MEF2B: variants seen among roughly 807,000 people sequenced by gnomAD.
MEF2B encodes the protein myocyte-specific enhancer factor 2B.
Under a neutral mutation model 32.2 loss-of-function variants are expected in MEF2B, and 15 were observed. That is an observed-to-expected ratio of 0.47 (90% CI 0.31 to 0.72). The LOEUF (loss-of-function observed/expected upper bound fraction) is 0.72. Among genes scored for constraint, MEF2B ranks in the 30% least tolerant of loss-of-function variants. The probability of loss-of-function intolerance (pLI) is 0.05; values close to 1 mark genes in which losing one functional copy is unlikely to be tolerated. For synonymous variants in MEF2B, 205 were observed against 225.6 expected (o/e 0.91, Z 0.82); for missense variants, 441 against 511.5 (o/e 0.86, Z 1.33).
rs138367679 is a variant in MEF2B at position 19,150,039 on chromosome 19, C to T, written c.55-610G>A. 8.0e-3 allele frequency among the ~76,000 whole-genome samples: 1,112 copies of T among 139,538 alleles called. 22 individuals are homozygous for T. In the East Asian group the frequency reaches 0.091, roughly 11 times the overall value. The allele number at this position is 139,538 out of a possible 152,430, so 91.5% of individuals were successfully genotyped here. A position where few individuals can be genotyped will look rare whatever the true frequency, so the allele number is the denominator to read the frequency against. On this transcript the variant is annotated intron_variant, in intron 2 of 8. Transcript: ENST00000424583. Reference sequence around the variant, plus strand: ...GGCGGAGCTTGCAGTGAGCCGAGATCGCTCCACTGCACTCCAGCCTGGGCA... The same window carrying T: ...GGCGGAGCTTGCAGTGAGCCGAGATTGCTCCACTGCACTCCAGCCTGGGCA...
At chr19:19,164,612 G>A (rs1031536945) in intron 1 of MEF2B, among the ~76,000 whole-genome samples, 2 of 152,200 alleles carry the variant, frequency 1.3e-5, no homozygotes, top group Admixed American at 6.5e-5. Flanking sequence ...TCAGGAGTTT[G>A]AGACCAGCCT....
rs146991038 is a variant in MEF2B at position 19,147,706 on chromosome 19, G to A, written c.385C>T (p.Arg129Trp). ...GCCAGGGAGTCACTTACATACAGCCGGGGTCGGGGCAAGGCCGGATCACCC... is the reference window on the plus strand; with the variant it reads ...GCCAGGGAGTCACTTACATACAGCCAGGGTCGGGGCAAGGCCGGATCACCC... ...EGGDPALPRP[R>W]LYPAAPAMPS... The change falls in exon 4 of 9, where the codon CGG (arginine) becomes TGG (tryptophan). Residue 129 changes from arginine (R) to tryptophan (W), a missense_variant. By Grantham distance (101) the Arg-to-Trp change is moderately radical. Coordinates refer to ENST00000424583, the MANE Select transcript of MEF2B (RefSeq NM_001145785.2). 4.3e-5 allele frequency: 69 copies of A among 1,613,414 alleles called. No homozygotes were observed. The highest frequency in any genetic ancestry group is 3.8e-4 in the East Asian group (17 of 44,892).
Position 19,145,577 on chromosome 19 carries a change from G to T in MEF2B, c.*220C>A. The T allele has an allele frequency of 9.0e-7, 1 of 1,105,794 alleles. No homozygotes were observed. The highest frequency in any genetic ancestry group is 1.3e-6 in the Non-Finnish European group (1 of 795,102). The allele number at this position is 1,105,794 out of a possible 1,614,324, so 68.5% of individuals were successfully genotyped here. On this transcript the variant is annotated 3_prime_UTR_variant, in exon 9 of 9. Transcript: ENST00000424583. The surrounding 1 kb of genome is among the most constrained non-coding windows in gnomAD (Gnocchi z 4.6). ...GCGAGTCACAGTCAGTCTGGTCCAC[G>T]GACGCCACGCGCGTTTTATTTGTGG...
Position 19,146,640 on chromosome 19 carries a change from G to C in MEF2B, c.684C>G (p.Leu228=), listed in dbSNP as rs773973419. The C allele has an allele frequency of 6.2e-7, 1 of 1,613,208 alleles. No homozygotes were observed. The highest frequency in any genetic ancestry group is 1.1e-5 in the South Asian group (1 of 91,052). Residue 228 remains leucine (L), a synonymous_variant, in exon 7 of 9, where the codon CTC becomes CTG. Coordinates refer to ENST00000424583, the MANE Select transcript of MEF2B (RefSeq NM_001145785.2). ...PRGGLNTSRS[L]YSGLQNPCST... is the part of the protein sequence containing the mutation. ...AGCAGGGGTTCTGCAGGCCACTGTA[G>C]AGGCTTCTCTGTGCGGAGAGAGGGT...
rs746905972 is a variant in MEF2B, at chr19:19,146,591, G to A, written c.733C>T (p.Leu245=). The A allele has an allele frequency of 1.9e-6, 3 of 1,602,420 alleles. No homozygotes were observed. The African/African-American group carries it at 4.0e-5, about 22-fold the overall frequency. The change falls in exon 7 of 9, where the codon CTG becomes TTG. Residue 245 remains leucine, a synonymous_variant. Transcript: ENST00000424583. The part of the protein sequence containing the change: ...PCSTATPGPP[L]GSFPFLPGGP... ...CCGGGGAGGAAGGGGAAGCTCCCCA[G>A]TGGGGGTCCGGGAGTTGCAGTGGAG...
Position 19,146,291 on chromosome 19 carries a change from G to T in MEF2B, c.863C>A (p.Ala288Asp). 7.5e-7 allele frequency: 1 copy of T among 1,337,598 alleles called. No individual in the cohort carries two copies. Among genetic ancestry groups the T allele is most frequent in the Non-Finnish European group, 9.6e-7 (1 of 1,037,368 alleles). The allele number at this position is 1,337,598 out of a possible 1,614,324, so 82.9% of individuals were successfully genotyped here. The change falls in exon 8 of 9, where the codon GCC (alanine) becomes GAC (aspartate). Residue 288 changes from alanine (A) to aspartate (D), a missense_variant. By Grantham distance (126) the Ala-to-Asp change is moderately radical (BLOSUM62 -2). Around this residue, in one of 2 missense-constraint regions of MEF2B, gnomAD observed 326 missense variants for 328.4 expected, o/e 0.99. Transcript: ENST00000424583. ...CACTTACCTGGGCTGGGAGGACACG[G>T]CGGGGGGCCCATCACCCCTCGAGGG... ...WQPSRGDGPP[A>D]VSSQPSGGRS...
intron 1 of MEF2B, among the ~76,000 whole-genome samples, chr19:19,164,553 C>T (rs2060192006): frequency 6.6e-6 from 1 of 152,234 alleles, no homozygotes; most frequent in South Asian, 2.1e-4. Context: ...GTGGCTCACG[C>T]CTGTAATCCC....
At chr19:19,165,468 C>T (rs2146384246) in intron 1 of MEF2B, among the ~76,000 whole-genome samples, 1 of 152,234 alleles carries the variant, frequency 6.6e-6, no homozygotes, top group East Asian at 1.9e-4. Context: ...AGGTGGGAGC[C>T]AGGTGGACAC....
At chr19:19,163,657 CT>C (rs1300520930) in intron 1 of MEF2B, among the ~76,000 whole-genome samples, 5 of 152,014 alleles carry the variant, frequency 3.3e-5, no homozygotes, top group Admixed American at 3.3e-4. Flanking sequence ...TTCTGTTTTT[CT>C]TTTTTCTTTT....
At chr19:19,158,423 C>G (rs2060135276) in intron 1 of MEF2B, among the ~76,000 whole-genome samples, 1 of 134,686 alleles carries the variant, frequency 7.4e-6, no homozygotes, top group African/African-American at 2.9e-5. Flanking sequence ...CCAGCCAGAG[C>G]AACATAGTGA....
intron 1 of MEF2B, among the ~76,000 whole-genome samples, chr19:19,164,141 AT>A (rs1334852092): frequency 1.3e-5 from 2 of 151,852 alleles, no homozygotes; most frequent in African/African-American, 4.8e-5. Context: ...CTAATTTTTT[AT>A]TTTTAGTAGA....
intron 1 of MEF2B, among the ~76,000 whole-genome samples, chr19:19,162,069 A>T (rs1265187788): frequency 6.6e-6 from 1 of 151,862 alleles, no homozygotes; most frequent in East Asian, 1.9e-4. Context: ...CGGCCTCCCA[A>T]AGTGCTGGGA....
intron 2 of MEF2B, among the ~76,000 whole-genome samples, chr19:19,149,861 T>C (rs1197631154): frequency 2.6e-5 from 4 of 151,190 alleles, no homozygotes; most frequent in Non-Finnish European, 5.9e-5. Flanking sequence ...GGAGGATTGA[T>C]TGAGGTCAGG....
At chr19:19,149,511 A>G in intron 2 of MEF2B, 82 bp from the exon 3 acceptor site, 2 of 1,555,766 alleles carry the variant, frequency 1.3e-6, no homozygotes, top group Non-Finnish European at 1.8e-6. Flanking sequence ...GCAGGGCCTA[A>G]CCCTTCCTCG....
intron 8 of MEF2B, 60 bp from the exon 9 acceptor site, chr19:19,146,082 G>A: frequency 1.5e-6 from 2 of 1,338,718 alleles, no homozygotes; most frequent in Non-Finnish European, 2.0e-6. Flanking sequence ...GGAAGCCAGG[G>A]GATGGCACAG....
At chr19:19,162,314 G>T (rs1005981) in intron 1 of MEF2B, among the ~76,000 whole-genome samples, 45,982 of 151,534 alleles carry the variant, frequency 0.3, 6,988 homozygotes, top group Admixed American at 0.34. Flanking sequence ...TTTTATTTTT[G>T]TAGAGAAGGG....
chr19:19,147,958 C>A lies in MEF2B; in HGVS notation c.259-126G>T, dbSNP rs928212423. 9 of 1,430,402 alleles carry A rather than the reference C, an allele frequency of 6.3e-6. No homozygotes were observed. The East Asian group carries it at 2.0e-4, about 31-fold the overall frequency. The allele number at this position is 1,430,402 out of a possible 1,614,324, so 88.6% of individuals were successfully genotyped here. On this transcript the variant is annotated intron_variant, in intron 3 of 8. Coordinates refer to ENST00000424583, the MANE Select transcript of MEF2B (RefSeq NM_001145785.2). ...GAGTGGGGAGGAATGCAGGCATGGC[C>A]TGCTCTAGCCAAACCCCACTGACCA...
At chr19:19,147,440 G>A (rs1304285443) in intron 4 of MEF2B, among the ~76,000 whole-genome samples, 2 of 68,880 alleles carry the variant, frequency 2.9e-5, no homozygotes, top group African/African-American at 1.0e-4. Context: ...TGGCACTGAG[G>A]GGGCTGCACA....
At chr19:19,160,263 CG>C (rs2060150549) in intron 1 of MEF2B, among the ~76,000 whole-genome samples, 1 of 151,994 alleles carries the variant, frequency 6.6e-6, no homozygotes, top group East Asian at 1.9e-4. Flanking sequence ...AGCCACCACA[CG>C]GGGGCCTCTA....
Sources: allele counts gnomAD v4.1 joint callset (sites outside exome capture counted in the v4.1 genomes callset), GRCh38; gene constraint gnomAD v4.1.1; regional missense constraint gnomAD v4.1.1; non-coding constraint Gnocchi (gnomAD v3.1); transcripts MANE v1.5; gene names NCBI Gene and HGNC (gene_info 2026-07-23, HGNC 2026-07-21).